Variants in CSMD1 observed in about 807,000 individuals in gnomAD.
CSMD1 encodes CUB and Sushi multiple domains 1.
In CSMD1, 213 loss-of-function variants were observed where a neutral mutation model predicts 417.5. The observed-to-expected ratio is 0.51, with a 90% CI of 0.46 to 0.57. The LOEUF (loss-of-function observed/expected upper bound fraction) is 0.57, where lower values mean the gene tolerates loss of function less well. CSMD1 is among the 20% of genes least tolerant of loss of function. CSMD1 has a pLI of 0.00. For synonymous variants in CSMD1, 2,862 were observed against 1,736.8 expected (o/e 1.65, Z -16.11); for missense variants, 6,923 against 4,529.7 (o/e 1.53, Z -15.17).
intron 1 of CSMD1, among the ~76,000 whole-genome samples, chr8:4,747,763 G>A (rs1811049547): frequency 6.6e-6 from 1 of 152,134 alleles, no homozygotes; most frequent in African/African-American, 2.4e-5. Flanking sequence ...ATCGAATACT[G>A]TGTAAAGCCT....
At chr8:4,883,101 G>C (rs1803515121) in intron 1 of CSMD1, among the ~76,000 whole-genome samples, 1 of 152,008 alleles carries the variant, frequency 6.6e-6, no homozygotes, top group South Asian at 2.1e-4. Context: ...TCCTCTACAA[G>C]ATTTTATAGT....
At chr8:3,924,918 T>G (rs1809544480) in intron 5 of CSMD1, among the ~76,000 whole-genome samples, 1 of 152,302 alleles carries the variant, frequency 6.6e-6, no homozygotes, top group Middle Eastern at 3.4e-3. Context: ...ACCATTATAT[T>G]TCCTTTATTT....
intron 5 of CSMD1, among the ~76,000 whole-genome samples, chr8:3,799,004 A>G (rs1241653057): frequency 6.6e-6 from 1 of 152,068 alleles, no homozygotes; most frequent in Admixed American, 6.6e-5. Context: ...ATATAAATGT[A>G]ATATAATACT....
chr8:3,463,689 C>A (rs1292093194), intron 12 of CSMD1, among the ~76,000 whole-genome samples: 1 of 152,308 alleles, frequency 6.6e-6, no homozygotes. Flanking sequence ...TGCATAATTG[C>A]TCACCTAGAG....
At chr8:4,565,359 C>T (rs921651257) in intron 2 of CSMD1, among the ~76,000 whole-genome samples, 2 of 152,112 alleles carry the variant, frequency 1.3e-5, no homozygotes, top group Admixed American at 6.5e-5. Context: ...TTGTAACAAG[C>T]CATGTGCAGC....
chr8:3,616,838 T>C (rs1465653583), intron 7 of CSMD1, 41 bp from the exon 8 acceptor site: 29 of 1,393,588 alleles, frequency 2.1e-5, no homozygotes, highest in Non-Finnish European at 2.7e-5. Flanking sequence ...TGTATAGTTA[T>C]TGAGGAAATA....
chr8:3,409,392 G>C (rs772084730), intron 13 of CSMD1, 31 bp downstream of exon 13: 2 of 1,576,060 alleles, frequency 1.3e-6, no homozygotes, highest in African/African-American at 1.3e-5. Flanking sequence ...TGCAGGACAG[G>C]AGGGAGTCCA....
intron 3 of CSMD1, among the ~76,000 whole-genome samples, chr8:4,325,158 A>G (rs891289922): frequency 6.6e-6 from 1 of 152,312 alleles, no homozygotes; most frequent in African/African-American, 2.4e-5. Flanking sequence ...ACACAGGGGA[A>G]AGAGGAGAAA....
intron 17 of CSMD1, among the ~76,000 whole-genome samples, chr8:3,389,167 G>T (rs1166982228): frequency 2.0e-5 from 3 of 151,994 alleles, no homozygotes; most frequent in African/African-American, 7.3e-5. Context: ...TTGTTACATT[G>T]GTAAACTTTT....
chr8:3,280,216 G>C lies in CSMD1; in HGVS notation c.4153+3928C>G, dbSNP rs200467352. ...CACAGAGTAGTTAAAGGAAGAGAAA[G>C]TAGTAGATTTGGGGCCAAAGGGAAA... On this transcript the variant is annotated intron_variant, in intron 26 of 69. Transcript: ENST00000635120. 6.6e-5 allele frequency among the ~76,000 whole-genome samples: 10 copies of C among 152,162 alleles called. No homozygotes were observed. The East Asian group carries it at 1.7e-3, about 26-fold the overall frequency.
At chr8:3,768,281 G>C (rs1234154109) in intron 5 of CSMD1, among the ~76,000 whole-genome samples, 1 of 152,150 alleles carries the variant, frequency 6.6e-6, no homozygotes, top group Non-Finnish European at 1.5e-5. Context: ...TATCATGATT[G>C]AGCTAGGTGG....
intron 26 of CSMD1, among the ~76,000 whole-genome samples, chr8:3,246,000 T>C (rs528698577): frequency 5.1e-4 from 77 of 152,306 alleles, no homozygotes; most frequent in African/African-American, 1.8e-3. Context: ...TAGGCAGAAG[T>C]TTTGGTTTTA....
intron 5 of CSMD1, among the ~76,000 whole-genome samples, chr8:3,914,237 G>A (rs928855857): frequency 6.6e-6 from 1 of 152,146 alleles, no homozygotes; most frequent in Non-Finnish European, 1.5e-5. Flanking sequence ...GGCTAGAATA[G>A]AGTAGATAAG....
chr8:3,675,924 T>C (rs972559331), intron 7 of CSMD1, among the ~76,000 whole-genome samples: 1 of 152,174 alleles, frequency 6.6e-6, no homozygotes, highest in East Asian at 1.9e-4. Flanking sequence ...GTCCCATCAT[T>C]GGAGAGTAAT....
rs57516157 is a variant in CSMD1 at position 3,456,035 on chromosome 8, C to T, written c.1561+12677G>A. On this transcript the variant is annotated intron_variant, in intron 12 of 69. Coordinates refer to ENST00000635120, the MANE Select transcript of CSMD1 (RefSeq NM_033225.6). ...GTGGGTGCCCCTCCCCCAGCCTCGC[C>T]GCCGCCTTGCTATTTGATCTGAGAC... 3.4e-3 allele frequency among the ~76,000 whole-genome samples: 513 copies of T among 152,258 alleles called. 1 individual carries two copies. The highest frequency in any genetic ancestry group is 0.012 in the African/African-American group (495 of 41,550).
chr8:4,679,357 AT>A (rs1284057576), intron 1 of CSMD1, among the ~76,000 whole-genome samples: 1 of 152,204 alleles, frequency 6.6e-6, no homozygotes, highest in Non-Finnish European at 1.5e-5. Flanking sequence ...AATATTAAAC[AT>A]TTTTTAACTT....
At chr8:4,884,824 C>G (rs1383702647) in intron 1 of CSMD1, among the ~76,000 whole-genome samples, 5 of 152,024 alleles carry the variant, frequency 3.3e-5, no homozygotes, top group Non-Finnish European at 7.4e-5. Context: ...TCCCCCTTTT[C>G]AAGACTACCT....
intron 21 of CSMD1, among the ~76,000 whole-genome samples, chr8:3,355,931 C>T (rs10099200): frequency 0.73 from 110,196 of 151,516 alleles, 40,572 homozygotes; most frequent in African/African-American, 0.84. Context: ...CCAAGGAATA[C>T]ATGATACTAT....
At chr8:3,348,417 C>T (rs989933105) in intron 21 of CSMD1, among the ~76,000 whole-genome samples, 2 of 152,134 alleles carry the variant, frequency 1.3e-5, no homozygotes, top group Non-Finnish European at 2.9e-5. Flanking sequence ...AGCATGCTAT[C>T]ATACAGAGAG....
Sources: allele counts gnomAD v4.1 joint callset (sites outside exome capture counted in the v4.1 genomes callset), GRCh38; gene constraint gnomAD v4.1.1; transcripts MANE v1.5; gene names NCBI Gene and HGNC (gene_info 2026-07-23, HGNC 2026-07-21).